PHRF1: variants seen among roughly 807,000 people sequenced by gnomAD.
The protein encoded by PHRF1 is PHD and RING finger domain-containing protein 1.
In PHRF1, 53 loss-of-function variants were observed where a neutral mutation model predicts 128.9. That is an observed-to-expected ratio of 0.41 (90% CI 0.33 to 0.52). The LOEUF (loss-of-function observed/expected upper bound fraction) is 0.52. PHRF1 is among the 20% of genes least tolerant of loss of function. PHRF1 has a pLI of 0.21. For missense variants in PHRF1, 2,503 were observed against 2,284.5 expected (o/e 1.10, Z -1.95); for synonymous variants, 1,178 against 980.6 (o/e 1.20, Z -3.76).
chr11:591,096 C>CT (rs1471653349), intron 4 of PHRF1, among the ~76,000 whole-genome samples: 2 of 152,320 alleles, frequency 1.3e-5, no homozygotes, highest in East Asian at 3.9e-4. Context: ...GCAGAGGGGC[C>CT]TGTGCACAAT....
chr11:592,470 G>C, intron 5 of PHRF1, 89 bp from the exon 6 acceptor site: 1 of 1,315,932 alleles, frequency 7.6e-7, no homozygotes, highest in Non-Finnish European at 1.1e-6. Flanking sequence ...AAGGCAATGG[G>C]TGGATTCTGG....
chr11:608,617 C>T lies in PHRF1; in HGVS notation c.3161C>T (p.Ser1054Phe). Residue 1054 changes from serine (S) to phenylalanine (F), a missense_variant, in exon 14 of 18, where the codon TCC (serine) becomes TTC (phenylalanine). Coordinates refer to ENST00000264555, the MANE Select transcript of PHRF1 (RefSeq NM_001286581.2). ...CGGTCCAAGGCCAAGAGCCGGCGGT[C>T]CTCCAGTGACCGCTCCAGCAGCCGA... ...RQRSKAKSRR[S>F]SSDRSSSRER... 6.2e-7 allele frequency: 1 copy of T among 1,612,200 alleles called. No homozygotes were observed.
chr11:577,583 G>C (rs374762365), intron 1 of PHRF1, among the ~76,000 whole-genome samples: 27 of 152,390 alleles, frequency 1.8e-4, no homozygotes, highest in African/African-American at 6.5e-4. Flanking sequence ...CCTCAGCAGG[G>C]CTGTGTTTAT....
chr11:589,286 C>A (rs1299413022), intron 4 of PHRF1, among the ~76,000 whole-genome samples: 3 of 152,128 alleles, frequency 2.0e-5, no homozygotes, highest in Non-Finnish European at 4.4e-5. Flanking sequence ...CTAACACAGC[C>A]GTGACTGAAG....
Position 610,256 on chromosome 11 carries a change from C to A in PHRF1, c.4325C>A (p.Ala1442Asp), listed in dbSNP as rs371199791. The A allele has an allele frequency of 1.9e-6, 3 of 1,554,966 alleles. No homozygotes were observed. Among genetic ancestry groups the A allele is most frequent in the Non-Finnish European group, 2.6e-6 (3 of 1,149,332 alleles). Residue 1442 changes from alanine to aspartate, a missense_variant, in exon 15 of 18, where the codon GCC becomes GAC. By Grantham distance (126) the Ala-to-Asp change is moderately radical (BLOSUM62 -2). Coordinates refer to ENST00000264555, the MANE Select transcript of PHRF1 (RefSeq NM_001286581.2). Reference protein sequence around the residue: ...REGAWDMEDVAPTGVRQVFSE... With the variant: ...REGAWDMEDVDPTGVRQVFSE... Reference sequence around the variant, plus strand: ...GGAGCCTGGGACATGGAGGATGTGGCCCCCACAGGGGTCAGGCAGGTGTTC... The same window carrying A: ...GGAGCCTGGGACATGGAGGATGTGGACCCCACAGGGGTCAGGCAGGTGTTC...
chr11:606,340 C>CCCCA, intron 12 of PHRF1, 102 bp from the exon 13 acceptor site: 4 of 1,403,542 alleles, frequency 2.8e-6, no homozygotes, highest in Non-Finnish European at 3.7e-6. Context: ...CCCGGCCCAG[C>CCCCA]CCCACTCTCC....
At chr11:599,090 C>T (rs901570052) in intron 9 of PHRF1, among the ~76,000 whole-genome samples, 1 of 152,220 alleles carries the variant, frequency 6.6e-6, no homozygotes, top group South Asian at 2.1e-4. Flanking sequence ...GGCGCTGGTG[C>T]GCGTGCACAT....
At chr11:576,634 C>T (rs548893282) in intron 1 of PHRF1, 42 bp downstream of exon 1, 5 of 150,054 alleles carry the variant, frequency 3.3e-5, no homozygotes, top group African/African-American at 4.8e-5. Context: ...CCCTGCTCCT[C>T]CGGGCCGCGG....
At chr11:588,329 C>A (rs1044547653) in intron 4 of PHRF1, among the ~76,000 whole-genome samples, 2 of 152,132 alleles carry the variant, frequency 1.3e-5, no homozygotes, top group African/African-American at 4.8e-5. Flanking sequence ...TGTTCCTGTT[C>A]TGTTGTGGTG....
At chr11:595,252 G>A (rs1320613193) in intron 6 of PHRF1, among the ~76,000 whole-genome samples, 2 of 152,218 alleles carry the variant, frequency 1.3e-5, no homozygotes, top group African/African-American at 4.8e-5. Context: ...GAACCTGGGA[G>A]GCGGAGGTTG....
intron 6 of PHRF1, among the ~76,000 whole-genome samples, chr11:593,231 G>A (rs1178501874): frequency 1.3e-5 from 2 of 152,218 alleles, no homozygotes; most frequent in African/African-American, 2.4e-5. Flanking sequence ...CCCCTTCCCC[G>A]TTAGCCTCCT....
intron 4 of PHRF1, among the ~76,000 whole-genome samples, chr11:587,939 T>C (rs1249622722): frequency 6.6e-6 from 1 of 152,218 alleles, no homozygotes. Context: ...GCAGTGTATT[T>C]TATATTTCAA....
At chr11:581,883 A>G (rs1854225176) in intron 2 of PHRF1, 79 bp from the exon 3 acceptor site, 1 of 1,479,358 alleles carries the variant, frequency 6.8e-7, no homozygotes, top group Non-Finnish European at 9.0e-7. Context: ...TGACGCCTCT[A>G]TGCCTGTGCA....
At chr11:595,702 C>T (rs1029789898) in intron 6 of PHRF1, among the ~76,000 whole-genome samples, 12 of 152,354 alleles carry the variant, frequency 7.9e-5, no homozygotes, top group South Asian at 4.1e-4. Flanking sequence ...GCCTTCTGCT[C>T]GGGCCTCAGG....
rs888302121 is a variant in PHRF1, at chr11:601,455, C to T, written c.1025-119C>T. The T allele has an allele frequency of 2.4e-5, 33 of 1,398,636 alleles. No homozygotes were observed. In the Admixed American group the frequency reaches 4.2e-4, roughly 18 times the overall value. The allele number at this position is 1,398,636 out of a possible 1,614,324, so 86.6% of individuals were successfully genotyped here. A position where few individuals can be genotyped will look rare whatever the true frequency, so the allele number is the denominator to read the frequency against. ...AAAAAAAAAAAAAAAAATTGCAAGC[C>T]GGTGCGTGTGGTCCCGCTGTACCGG... On this transcript the variant is annotated intron_variant, in intron 9 of 17. Coordinates refer to ENST00000264555, the MANE Select transcript of PHRF1 (RefSeq NM_001286581.2).
At chr11:604,437 G>C (rs1322606080) in intron 10 of PHRF1, among the ~76,000 whole-genome samples, 1 of 152,206 alleles carries the variant, frequency 6.6e-6, no homozygotes, top group Admixed American at 6.5e-5. Context: ...GTAACTCTTA[G>C]GGTTTTTAGG....
At chr11:611,164 G>T in intron 17 of PHRF1, 82 bp downstream of exon 17, 7 of 1,576,536 alleles carry the variant, frequency 4.4e-6, no homozygotes, top group Non-Finnish European at 5.2e-6. Flanking sequence ...GGACTTTGGG[G>T]TGGCCATGAG....
intron 1 of PHRF1, among the ~76,000 whole-genome samples, chr11:578,556 G>A (rs1448538081): frequency 2.6e-5 from 4 of 152,136 alleles, no homozygotes; most frequent in East Asian, 1.9e-4. Flanking sequence ...ATTGCCTGTC[G>A]CCCCACCTAA....
chr11:608,043 A>G lies in PHRF1; in HGVS notation c.2587A>G (p.Ile863Val), dbSNP rs757704441. ...GLLPSEITRT[I>V]SINSPKAQTV... is the part of the protein sequence containing the mutation. The stretch of plus-strand genomic sequence containing the variant: ...CCTGCCCTCTGAGATCACACGAACC[A>G]TCTCCATCAACAGCCCGAAGGCCCA... Residue 863 changes from isoleucine to valine, a missense_variant, in exon 14 of 18, where the codon ATC becomes GTC. Physicochemically the swap from Ile to Val is conservative, Grantham distance 29. Coordinates refer to ENST00000264555, the MANE Select transcript of PHRF1 (RefSeq NM_001286581.2). 2.5e-6 allele frequency: 4 copies of G among 1,611,254 alleles called. No homozygotes were observed. Among genetic ancestry groups the G allele is most frequent in the Middle Eastern group, 1.6e-4 (1 of 6,084 alleles).
Sources: allele counts gnomAD v4.1 joint callset (sites outside exome capture counted in the v4.1 genomes callset), GRCh38; gene constraint gnomAD v4.1.1; transcripts MANE v1.5; gene names NCBI Gene and HGNC (gene_info 2026-07-23, HGNC 2026-07-21).